MLLT1: variants seen among roughly 807,000 people sequenced by gnomAD.
MLLT1 encodes the protein MLLT1 super elongation complex subunit, also known as protein ENL.
MLLT1 carries 11 observed loss-of-function variants against 55.1 expected under a neutral mutation model. The observed-to-expected ratio is 0.20, with a 90% CI of 0.13 to 0.33. The LOEUF is 0.33. Ranked by LOEUF, MLLT1 falls within the 10% of genes least tolerant of loss-of-function variation. MLLT1 has a pLI of 1.00. For synonymous variants in MLLT1, 323 were observed against 320.1 expected (o/e 1.01, Z -0.10); for missense variants, 536 against 760.6 (o/e 0.70, Z 3.47).
At chr19:6,213,885 C>A in intron 9 of MLLT1, 54 bp downstream of exon 9, 1 of 1,528,372 alleles carries the variant, frequency 6.5e-7, no homozygotes, top group Non-Finnish European at 8.9e-7. Context: ...ACAGCCCGGC[C>A]CAGGGCTAAG....
intron 1 of MLLT1, among the ~76,000 whole-genome samples, chr19:6,276,321 AAG>A (rs2091428024): frequency 6.6e-6 from 1 of 152,110 alleles, no homozygotes; most frequent in South Asian, 2.1e-4. Context: ...TTGCAGGAGG[AAG>A]AGTCTACCCA....
chr19:6,237,882 G>A (rs939568519), intron 3 of MLLT1, among the ~76,000 whole-genome samples: 1 of 152,166 alleles, frequency 6.6e-6, no homozygotes, highest in African/African-American at 2.4e-5. Flanking sequence ...TGGGAGGATC[G>A]CTTTGAGGTC....
intron 1 of MLLT1, among the ~76,000 whole-genome samples, chr19:6,275,478 C>T (rs949319740): frequency 7.2e-5 from 11 of 152,340 alleles, no homozygotes; most frequent in East Asian, 5.8e-4. Context: ...AATCTTCTCC[C>T]GCCAAGCCCA....
chr19:6,222,090 C>G lies in MLLT1; in HGVS notation c.1110+31G>C, dbSNP rs375217314. ...GGCGGGTCCCACCACACTGCCTGCA[C>G]CTGGCTGCCCTGCCCCCAGCACTCA... On this transcript the variant is annotated intron_variant, in intron 6 of 11. Coordinates refer to ENST00000252674, the MANE Select transcript of MLLT1 (RefSeq NM_005934.4). This position sits in a 1 kb window ranked among gnomAD's most constrained non-coding sequence, Gnocchi z 4.1. 1,038 of 1,459,482 alleles carry G rather than the reference C, an allele frequency of 7.1e-4. 2 individuals carry two copies. Among genetic ancestry groups the G allele is most frequent in the Non-Finnish European group, 7.0e-4 (772 of 1,101,826 alleles). The allele number at this position is 1,459,482 out of a possible 1,614,324, so 90.4% of individuals were successfully genotyped here. A position where few individuals can be genotyped will look rare whatever the true frequency, so the allele number is the denominator to read the frequency against.
At chr19:6,246,945 T>TGCCA (rs375147473) in intron 3 of MLLT1, among the ~76,000 whole-genome samples, 4 of 152,194 alleles carry the variant, frequency 2.6e-5, no homozygotes, top group African/African-American at 9.7e-5. Context: ...GAGCCCTAGC[T>TGCCA]GCCAACACAG....
At chr19:6,266,001 C>T (rs1219959218) in intron 2 of MLLT1, among the ~76,000 whole-genome samples, 1 of 151,996 alleles carries the variant, frequency 6.6e-6, no homozygotes, top group Non-Finnish European at 1.5e-5. Context: ...GGATCTTAAG[C>T]CGGGCATGGT....
At chr19:6,216,238 CCCAAGGCCCAGG>C (rs2090842008) in intron 8 of MLLT1, among the ~76,000 whole-genome samples, 155 bp downstream of exon 8, 2 of 152,292 alleles carry the variant, frequency 1.3e-5, no homozygotes, top group South Asian at 4.1e-4. Flanking sequence ...CCAGGCCCAC[CCCAAGGCCCAGG>C]CTGGACTGGG....
intron 1 of MLLT1, among the ~76,000 whole-genome samples, chr19:6,276,612 A>G (rs1298573459): frequency 6.6e-6 from 1 of 151,560 alleles, no homozygotes; most frequent in East Asian, 1.9e-4. Context: ...CCCTTTCCCA[A>G]TCTCTTTTCG....
chr19:6,220,237 C>A (rs2090884223), intron 6 of MLLT1, among the ~76,000 whole-genome samples: 1 of 152,376 alleles, frequency 6.6e-6, no homozygotes, highest in East Asian at 1.9e-4. Flanking sequence ...AAGGGGAAGC[C>A]AAGGGGCCAG....
chr19:6,279,717 C>T (rs1387963947), intron 1 of MLLT1, 56 bp downstream of exon 1: 3 of 118,616 alleles, frequency 2.5e-5, no homozygotes, highest in Non-Finnish European at 5.5e-5. Flanking sequence ...CCGGGCGGGC[C>T]GGCGGGCGGG....
chr19:6,261,255 G>A (rs925784715), intron 3 of MLLT1, among the ~76,000 whole-genome samples: 5 of 152,204 alleles, frequency 3.3e-5, no homozygotes, highest in Admixed American at 1.3e-4. Context: ...AGGTTTCTGT[G>A]AACTGGACCC....
Position 6,240,959 on chromosome 19 carries a change from G to GT in MLLT1, c.277-10247_277-10246insA, listed in dbSNP as rs1160737361. 1.3e-5 allele frequency among the ~76,000 whole-genome samples: 2 copies of GT among 152,196 alleles called. No homozygotes were observed. The highest frequency in any genetic ancestry group is 4.8e-5 in the African/African-American group (2 of 41,450). On this transcript the variant is annotated intron_variant, in intron 3 of 11. Coordinates refer to ENST00000252674, the MANE Select transcript of MLLT1 (RefSeq NM_005934.4). This position sits in a 1 kb window ranked among gnomAD's most constrained non-coding sequence, Gnocchi z 4.7. ...CTATTAACTGGAAGCCAAACTTAAT[G>GT]ATTTCTCCTCAGTCTGACACCAGAA... is the stretch of plus-strand genomic sequence containing the variant.
chr19:6,221,858 T>A (rs2090900710), intron 6 of MLLT1, among the ~76,000 whole-genome samples: 1 of 152,096 alleles, frequency 6.6e-6, no homozygotes, highest in South Asian at 2.1e-4. Context: ...GACCACACCA[T>A]CATGCTTTAC....
rs898514270 is a variant in MLLT1, at chr19:6,270,455, G to T, written c.193+124C>A. ...CTCCAGTGCCCCCACGCCGAGGGAC[G>T]CAAGCTGGAACCTCATGGTTGGAGG... is the stretch of plus-strand genomic sequence containing the variant. On this transcript the variant is annotated intron_variant, in intron 2 of 11. Coordinates refer to ENST00000252674, the MANE Select transcript of MLLT1 (RefSeq NM_005934.4). The surrounding 1 kb of genome is among the most constrained non-coding windows in gnomAD (Gnocchi z 7.1). 2 of 1,044,040 alleles carry T rather than the reference G, an allele frequency of 1.9e-6. No homozygotes were observed. Among genetic ancestry groups the T allele is most frequent in the Non-Finnish European group, 2.7e-6 (2 of 739,288 alleles). 64.7% of individuals were successfully genotyped at this position (1,044,040 alleles called of 1,614,324 possible). A position where few individuals can be genotyped will look rare whatever the true frequency, so the allele number is the denominator to read the frequency against.
intron 3 of MLLT1, among the ~76,000 whole-genome samples, chr19:6,250,301 G>T (rs574760975): frequency 6.6e-6 from 1 of 152,330 alleles, no homozygotes; most frequent in East Asian, 1.9e-4. Flanking sequence ...AAATTGGAAT[G>T]CTTGTGTGTT....
intron 3 of MLLT1, among the ~76,000 whole-genome samples, chr19:6,244,457 T>C (rs1024977011): frequency 2.0e-4 from 30 of 149,834 alleles, no homozygotes; most frequent in Non-Finnish European, 3.7e-4. Context: ...CCCGCCTCTC[T>C]CAACAGTGGG....
chr19:6,258,442 C>G (rs1600209557), intron 3 of MLLT1, among the ~76,000 whole-genome samples: 1 of 152,292 alleles, frequency 6.6e-6, no homozygotes, highest in South Asian at 2.1e-4. Flanking sequence ...ATGTTCCCAG[C>G]AGATGTCAAG....
intron 11 of MLLT1, 46 bp downstream of exon 11, chr19:6,213,291 C>A: frequency 1.9e-6 from 3 of 1,610,536 alleles, no homozygotes; most frequent in African/African-American, 1.3e-5. Flanking sequence ...ACACTCCTCA[C>A]AGGCACCCCG....
chr19:6,249,499 C>G (rs530246746), intron 3 of MLLT1, among the ~76,000 whole-genome samples: 1 of 152,148 alleles, frequency 6.6e-6, no homozygotes, highest in Non-Finnish European at 1.5e-5. Context: ...TGCCTTGTCC[C>G]GGGGCAGCCC....
Sources: gnomAD v4.1 joint callset for allele counts (sites outside exome capture counted in the v4.1 genomes callset) on GRCh38, gnomAD v4.1.1 for gene constraint, Gnocchi (gnomAD v3.1) non-coding constraint, MANE v1.5 for transcripts, NCBI Gene and HGNC (gene_info 2026-07-23, HGNC 2026-07-21) for gene names.